The following PAX5 variants were observed in gnomAD, a reference collection of about 807,000 sequenced individuals.
The protein encoded by PAX5 is paired box protein Pax-5.
A neutral mutation model predicts 43.7 loss-of-function variants in PAX5; 9 were observed. The observed-to-expected ratio is 0.21, with a 90% CI of 0.12 to 0.36. The LOEUF (loss-of-function observed/expected upper bound fraction) is 0.36, where lower values mean the gene tolerates loss of function less well. Among genes scored for constraint, PAX5 ranks in the 10% least tolerant of loss-of-function variants. PAX5 has a pLI of 1.00. For synonymous variants in PAX5, 228 were observed against 214.3 expected (o/e 1.06, Z -0.56); for missense variants, 383 against 532.7 (o/e 0.72, Z 2.77).
intron 7 of PAX5, among the ~76,000 whole-genome samples, chr9:36,905,153 A>C (rs7034991): frequency 0.23 from 35,692 of 152,158 alleles, 4,782 homozygotes; most frequent in East Asian, 0.51. Context: ...TAAATCCCTC[A>C]GCAGTGTTGT....
At chr9:36,977,064 A>T (rs1178852289) in intron 5 of PAX5, among the ~76,000 whole-genome samples, 2 of 152,300 alleles carry the variant, frequency 1.3e-5, no homozygotes, top group African/African-American at 4.8e-5. Flanking sequence ...ACAAGTGAAT[A>T]ATTGCAATGT....
In PAX5 at chr9:36,869,847, A is replaced by AATGGATGGATGGATGG. The variant is rs113287865; in HGVS notation, c.1012+12141_1012+12156dup. Among the ~76,000 whole-genome samples the AATGGATGGATGGATGG allele has an allele frequency of 1.4e-3, 167 of 117,960 alleles. 10 individuals are homozygous for AATGGATGGATGGATGG. Among genetic ancestry groups the AATGGATGGATGGATGG allele is most frequent in the African/African-American group, 5.7e-3 (158 of 27,906 alleles). 77.4% of individuals were successfully genotyped at this position (117,960 alleles called of 152,430 possible). ...GGATGAATAGATGGATGGATGGATAAATGGATGGATGGATGGATGGATGGA... is the reference window on the plus strand; with the variant it reads ...GGATGAATAGATGGATGGATGGATAAATGGATGGATGGATGGATGGATGGATGGATGGATGGATGGA... On this transcript the variant is annotated intron_variant, in intron 8 of 9. Coordinates refer to ENST00000358127, the MANE Select transcript of PAX5 (RefSeq NM_016734.3).
intron 7 of PAX5, among the ~76,000 whole-genome samples, chr9:36,890,551 G>A (rs1827292075): frequency 6.6e-6 from 1 of 152,140 alleles, no homozygotes; most frequent in Admixed American, 6.5e-5. Context: ...CTTGGTTTCT[G>A]GGCCTTGGTT....
chr9:36,984,881 T>C (rs1469176917), intron 5 of PAX5, among the ~76,000 whole-genome samples: 1 of 152,220 alleles, frequency 6.6e-6, no homozygotes, highest in Non-Finnish European at 1.5e-5. Flanking sequence ...AGGGCAATTT[T>C]TTCCCAGTGG....
chr9:36,880,133 T>G (rs2131748386), intron 8 of PAX5, among the ~76,000 whole-genome samples: 1 of 152,354 alleles, frequency 6.6e-6, no homozygotes, highest in Admixed American at 6.5e-5. Flanking sequence ...CAGGATCGAA[T>G]GTAGAATTCT....
Position 36,966,617 on chromosome 9 carries a change from C to T in PAX5, c.712G>A (p.Asp238Asn). 1 of 1,614,214 alleles carries T rather than the reference C, an allele frequency of 6.2e-7. No homozygotes were observed. Among genetic ancestry groups the T allele is most frequent in the Non-Finnish European group, 8.5e-7 (1 of 1,180,032 alleles). Residue 238 changes from aspartate (D) to asparagine (N), a missense_variant, in exon 6 of 10, where the codon GAC becomes AAC. Transcript: ENST00000358127. Reference sequence around the variant, plus strand: ...TAGTGCTGCCTCTCAAACACGCGGTCCAGCACCTCCAGCTGCTGCTGTGTG... The same window carrying T: ...TAGTGCTGCCTCTCAAACACGCGGTTCAGCACCTCCAGCTGCTGCTGTGTG... ...LFTQQQLEVL[D>N]RVFERQHYSD...
At chr9:36,976,452 G>A (rs574944911) in intron 5 of PAX5, among the ~76,000 whole-genome samples, 1 of 152,278 alleles carries the variant, frequency 6.6e-6, no homozygotes, top group South Asian at 2.1e-4. Context: ...TCCGGGTACA[G>A]GCAACCAGGT....
intron 1 of PAX5, among the ~76,000 whole-genome samples, chr9:37,021,094 A>G (rs1447267062): frequency 6.6e-6 from 1 of 152,252 alleles, no homozygotes. Context: ...ATGTGTGAAG[A>G]TCTCAATGTA....
At chr9:36,948,705 G>A (rs1220215633) in intron 6 of PAX5, among the ~76,000 whole-genome samples, 3 of 152,068 alleles carry the variant, frequency 2.0e-5, no homozygotes, top group Non-Finnish European at 4.4e-5. Flanking sequence ...AAACTCCCCA[G>A]TGCAAATGCC....
chr9:36,966,913 C>A (rs1834492993), intron 5 of PAX5, among the ~76,000 whole-genome samples, 189 bp from the exon 6 acceptor site: 3 of 152,224 alleles, frequency 2.0e-5, no homozygotes, highest in South Asian at 2.1e-4. Flanking sequence ...CAGAGTCAGC[C>A]TCCCGCAGCC....
Position 36,929,222 on chromosome 9 carries a change from AGAAGGAAGGAAGGAGGAAGGAAG to A in PAX5, c.781-5761_781-5739del, listed in dbSNP as rs1474133543. Among the ~76,000 whole-genome samples, 5 of 135,894 alleles carry A rather than the reference AGAAGGAAGGAAGGAGGAAGGAAG, an allele frequency of 3.7e-5. No homozygotes were observed. The East Asian group carries it at 9.0e-4, about 24-fold the overall frequency. 89.2% of individuals were successfully genotyped at this position (135,894 alleles called of 152,430 possible). ...AAAGAAAGATGGAAGGAAGGAAGGAAGAAGGAAGGAAGGAGGAAGGAAGGAAGGAAGGAAGGAAGGAAGGAAGG... is the reference window on the plus strand; with the variant it reads ...AAAGAAAGATGGAAGGAAGGAAGGAAGAAGGAAGGAAGGAAGGAAGGAAGG... On this transcript the variant is annotated intron_variant, in intron 6 of 9. Transcript: ENST00000358127.
At chr9:37,013,538 G>A (rs1348604643) in intron 3 of PAX5, among the ~76,000 whole-genome samples, 1 of 152,136 alleles carries the variant, frequency 6.6e-6, no homozygotes, top group East Asian at 1.9e-4. Flanking sequence ...TGGAAATCCC[G>A]CAAAGAGCCA....
intron 5 of PAX5, among the ~76,000 whole-genome samples, chr9:36,992,124 A>AC (rs35269388): frequency 0.33 from 34,093 of 104,092 alleles, 3,789 homozygotes; most frequent in Non-Finnish European, 0.35. Flanking sequence ...CCTCGCCCCC[A>AC]CCCCCCAACC....
rs146433311 is a variant in PAX5 at position 36,924,137 on chromosome 9, G to A, written c.781-653C>T. Among the ~76,000 whole-genome samples, 915 of 152,324 alleles carry A rather than the reference G, an allele frequency of 6.0e-3. 9 individuals carry two copies. The highest frequency in any genetic ancestry group is 8.0e-3 in the Non-Finnish European group (542 of 68,032). On this transcript the variant is annotated intron_variant, in intron 6 of 9. Transcript: ENST00000358127. Reference sequence around the variant, plus strand: ...AAGTGTTTTTGAATTCTAGAAGCAGGTAAACACCTGTATGCTGAAAACCAC... The same window carrying A: ...AAGTGTTTTTGAATTCTAGAAGCAGATAAACACCTGTATGCTGAAAACCAC...
chr9:36,894,869 C>T (rs1327145557), intron 7 of PAX5, among the ~76,000 whole-genome samples: 1 of 152,246 alleles, frequency 6.6e-6, no homozygotes, highest in Admixed American at 6.5e-5. Flanking sequence ...ACTGCTTACA[C>T]ACACAGCTAA....
At chr9:36,942,830 G>C (rs1042065170) in intron 6 of PAX5, among the ~76,000 whole-genome samples, 3 of 152,254 alleles carry the variant, frequency 2.0e-5, no homozygotes, top group African/African-American at 7.2e-5. Context: ...CCTGGCTTTT[G>C]CCTGCAAGAG....
At chr9:36,939,730 T>C (rs1391774919) in intron 6 of PAX5, among the ~76,000 whole-genome samples, 1 of 152,074 alleles carries the variant, frequency 6.6e-6, no homozygotes, top group Admixed American at 6.5e-5. Flanking sequence ...TCATAAGCTA[T>C]CAACACTGAT....
chr9:36,960,373 T>C (rs1332062881), intron 6 of PAX5, among the ~76,000 whole-genome samples: 1 of 152,094 alleles, frequency 6.6e-6, no homozygotes, highest in Admixed American at 6.5e-5. Context: ...AGCAGCCCCC[T>C]TGGACACAGG....
chr9:36,944,247 G>A (rs867898524), intron 6 of PAX5, among the ~76,000 whole-genome samples: 3 of 152,118 alleles, frequency 2.0e-5, no homozygotes, highest in East Asian at 1.9e-4. Context: ...CATGGGGCAC[G>A]CTCATGTCAA....
Sources: gnomAD v4.1 joint callset for allele counts (sites outside exome capture counted in the v4.1 genomes callset) on GRCh38, gnomAD v4.1.1 for gene constraint, MANE v1.5 for transcripts, NCBI Gene and HGNC (gene_info 2026-07-23, HGNC 2026-07-21) for gene names.